Variants in CENPW observed in about 807,000 individuals in gnomAD.
The protein encoded by CENPW is centromere protein W, also known as cancer-up-regulated gene 2 protein.
In CENPW, 3 loss-of-function variants were observed where a neutral mutation model predicts 11.1. That is an observed-to-expected ratio of 0.27 (90% CI 0.12 to 0.70). The LOEUF (loss-of-function observed/expected upper bound fraction) is 0.70. Ranked by LOEUF, CENPW falls within the 30% of genes least tolerant of loss-of-function variation. The pLI is 0.77. For synonymous variants in CENPW, 38 were observed against 42.0 expected (o/e 0.91, Z 0.37); for missense variants, 100 against 105.6 (o/e 0.95, Z 0.23).
At chr6:126,474,812 C>G in the CENPW span, among the ~76,000 whole-genome samples, 1 of 152,118 alleles carries the variant, frequency 6.6e-6, no homozygotes, top group Non-Finnish European at 1.5e-5. Context: ...ACTGTGGAAT[C>G]CATTGAAGAT....
chr6:126,458,410 C>T, the CENPW span, among the ~76,000 whole-genome samples: 1 of 151,284 alleles, frequency 6.6e-6, no homozygotes, highest in Non-Finnish European at 1.5e-5. Context: ...ATTTCTTCTT[C>T]CTGTTTTTAT....
At chr6:126,391,714 T>A in the CENPW span, among the ~76,000 whole-genome samples, 1 of 152,032 alleles carries the variant, frequency 6.6e-6, no homozygotes, top group South Asian at 2.1e-4. Context: ...CCACCACCAC[T>A]TATTGAAGAA....
the CENPW span, among the ~76,000 whole-genome samples, chr6:126,410,024 T>G: frequency 8.7e-3 from 1,324 of 151,672 alleles, 9 homozygotes; most frequent in Non-Finnish European, 0.015. Flanking sequence ...GATATGGTGG[T>G]TTTTTTTATG....
At chr6:126,372,082 A>T in the CENPW span, among the ~76,000 whole-genome samples, 2 of 151,770 alleles carry the variant, frequency 1.3e-5, no homozygotes, top group Non-Finnish European at 2.9e-5. Context: ...TTTCAATTTC[A>T]TTTAGTTCTG....
At chr6:126,393,143 C>G in the CENPW span, among the ~76,000 whole-genome samples, 1 of 151,804 alleles carries the variant, frequency 6.6e-6, no homozygotes, top group Non-Finnish European at 1.5e-5. Flanking sequence ...GTAATGTCTC[C>G]TTTTTCAACT....
the CENPW span, among the ~76,000 whole-genome samples, chr6:126,405,051 A>T: frequency 6.6e-6 from 1 of 151,824 alleles, no homozygotes; most frequent in Non-Finnish European, 1.5e-5. Context: ...GTCTGTGCTG[A>T]TGGTGTTGAA....
chr6:126,455,632 T>C, the CENPW span, among the ~76,000 whole-genome samples: 9 of 151,512 alleles, frequency 5.9e-5, no homozygotes, highest in African/African-American at 2.2e-4. Flanking sequence ...GGGGAAAAGC[T>C]GGAAGCATTC....
the CENPW span, among the ~76,000 whole-genome samples, chr6:126,410,454 T>G: frequency 6.6e-6 from 1 of 152,104 alleles, no homozygotes; most frequent in Non-Finnish European, 1.5e-5. Flanking sequence ...TTTGACAATT[T>G]GACTATTTTG....
chr6:126,439,576 GTCTA>G, the CENPW span, among the ~76,000 whole-genome samples: 2 of 151,704 alleles, frequency 1.3e-5, no homozygotes, highest in East Asian at 3.9e-4. Context: ...AAAAGTTTCA[GTCTA>G]TCAATCAATT....
At chr6:126,466,003 G>A in the CENPW span, among the ~76,000 whole-genome samples, 13 of 152,146 alleles carry the variant, frequency 8.5e-5, no homozygotes, top group East Asian at 7.7e-4. Context: ...TAGTTGTTAC[G>A]GGTTCTAGGA....
the CENPW span, among the ~76,000 whole-genome samples, chr6:126,454,025 A>G: frequency 2.6e-5 from 4 of 151,544 alleles, no homozygotes; most frequent in African/African-American, 9.7e-5. Flanking sequence ...AGACCTAACT[A>G]TCCTGAATAT....
the CENPW span, among the ~76,000 whole-genome samples, chr6:126,406,871 T>G: frequency 6.6e-6 from 1 of 151,838 alleles, no homozygotes; most frequent in Non-Finnish European, 1.5e-5. Context: ...AAAAAAAGTT[T>G]GATAGAATTC....
At chr6:126,474,963 G>A in the CENPW span, among the ~76,000 whole-genome samples, 2 of 152,148 alleles carry the variant, frequency 1.3e-5, no homozygotes, top group Non-Finnish European at 2.9e-5. Context: ...ACACCAGTGT[G>A]TATGTTCACA....
At chr6:126,365,810 C>T in the CENPW span, among the ~76,000 whole-genome samples, 3 of 152,154 alleles carry the variant, frequency 2.0e-5, no homozygotes, top group African/African-American at 7.2e-5. Context: ...CTCCTTAACT[C>T]TGACCCACAA....
At chr6:126,442,587 C>A in the CENPW span, among the ~76,000 whole-genome samples, 1 of 151,248 alleles carries the variant, frequency 6.6e-6, no homozygotes, top group Non-Finnish European at 1.5e-5. Flanking sequence ...AATACTATCT[C>A]ACTTAAACTT....
chr6:126,467,861 A>G, the CENPW span, among the ~76,000 whole-genome samples: 1 of 152,172 alleles, frequency 6.6e-6, no homozygotes, highest in African/African-American at 2.4e-5. Context: ...ATCAACATCA[A>G]TAATAAGTAT....
At chr6:126,431,481 C>T in the CENPW span, among the ~76,000 whole-genome samples, 1 of 152,182 alleles carries the variant, frequency 6.6e-6, no homozygotes, top group Non-Finnish European at 1.5e-5. Context: ...GAAACCACTT[C>T]AAATGCATTT....
the CENPW span, among the ~76,000 whole-genome samples, chr6:126,357,856 C>T: frequency 1.6e-4 from 24 of 152,120 alleles, no homozygotes; most frequent in Non-Finnish European, 2.1e-4. Flanking sequence ...ATCCGCCTGC[C>T]GCAGCCTCCC....
chr6:126,461,609 G>A, the CENPW span, among the ~76,000 whole-genome samples: 2 of 151,844 alleles, frequency 1.3e-5, no homozygotes, highest in East Asian at 3.9e-4. Flanking sequence ...GTAATTCTTA[G>A]CTAAAAATTT....
Sources: allele counts gnomAD v4.1 joint callset (sites outside exome capture counted in the v4.1 genomes callset), GRCh38; gene constraint gnomAD v4.1.1; transcripts MANE v1.5; gene names NCBI Gene and HGNC (gene_info 2026-07-23, HGNC 2026-07-21).